Variants in SYNRG observed in about 807,000 individuals in gnomAD.
The protein encoded by SYNRG is synergin gamma.
A neutral mutation model predicts 130.9 loss-of-function variants in SYNRG; 37 were observed. That is an observed-to-expected ratio of 0.28 (90% confidence interval 0.22 to 0.37). The LOEUF is 0.37. Ranked by LOEUF, SYNRG falls within the 10% of genes least tolerant of loss-of-function variation. The pLI, the probability that SYNRG is intolerant of heterozygous loss-of-function variation, is 1.00. For synonymous variants in SYNRG, 539 were observed against 568.1 expected (o/e 0.95, Z 0.73); for missense variants, 1,338 against 1,588.9 (o/e 0.84, Z 2.68).
intron 7 of SYNRG, 55 bp from the exon 8 acceptor site, chr17:37,576,473 T>A: frequency 2.0e-6 from 3 of 1,509,268 alleles, no homozygotes; most frequent in Non-Finnish European, 2.7e-6. Flanking sequence ...GATGGCGAAA[T>A]CACACTGAGT....
rs1384344164 is a variant in SYNRG at position 37,580,510 on chromosome 17, T to TGTGTGTGTGAGA, written c.590-2898_590-2897insTCTCACACACAC. Among the ~76,000 whole-genome samples, 770 of 127,678 alleles carry TGTGTGTGTGAGA rather than the reference T, an allele frequency of 6.0e-3. 7 individuals are homozygous for TGTGTGTGTGAGA. Among genetic ancestry groups the TGTGTGTGTGAGA allele is most frequent in the African/African-American group, 0.026 (712 of 27,426 alleles). 83.8% of individuals were successfully genotyped at this position (127,678 alleles called of 152,430 possible). On this transcript the variant is annotated intron_variant, in intron 6 of 21. Transcript: ENST00000612223. ...GTGTGTGTGTGTGTGTGTGTGTGTG[T>TGTGTGTGTGAGA]GAGAGAGAGAGAGAGAGAGAGAGAG... is the stretch of plus-strand genomic sequence containing the variant.
chr17:37,526,958 C>T (rs2055998911), intron 19 of SYNRG, among the ~76,000 whole-genome samples: 1 of 152,204 alleles, frequency 6.6e-6, no homozygotes, highest in African/African-American at 2.4e-5. Flanking sequence ...TGAGGACAGC[C>T]ATGCAGAGAC....
intron 8 of SYNRG, among the ~76,000 whole-genome samples, chr17:37,573,410 CA>C (rs1232234498): frequency 6.6e-6 from 1 of 151,912 alleles, no homozygotes; most frequent in Non-Finnish European, 1.5e-5. Context: ...CAAAAACAAA[CA>C]AACAAACAAA....
At chr17:37,608,291 T>C (rs1239176480) in intron 1 of SYNRG, among the ~76,000 whole-genome samples, 1 of 152,064 alleles carries the variant, frequency 6.6e-6, no homozygotes, top group Non-Finnish European at 1.5e-5. Context: ...ATTGAAACAC[T>C]GCATATAAAA....
At chr17:37,529,805 T>A in intron 19 of SYNRG, 1 of 1,551,538 alleles carries the variant, frequency 6.4e-7, no homozygotes, top group Non-Finnish European at 8.7e-7. Context: ...GAGCTCATGG[T>A]AAGGAGAGAG....
chr17:37,553,745 C>T lies in SYNRG; in HGVS notation c.1978G>A (p.Ala660Thr). 1 of 1,612,864 alleles carries T rather than the reference C, an allele frequency of 6.2e-7. No homozygotes were observed. The highest frequency in any genetic ancestry group is 2.2e-5 in the East Asian group (1 of 44,888). The change falls in exon 14 of 22, where the codon GCA (alanine) becomes ACA (threonine). Residue 660 changes from alanine (A) to threonine (T), a missense_variant. Physicochemically the swap from Ala to Thr is moderately conservative, Grantham distance 58 (BLOSUM62 0). Around this residue, in one of 3 missense-constraint regions of SYNRG, gnomAD observed 1,146 missense variants for 1,342.3 expected, o/e 0.85. Coordinates refer to ENST00000612223, the MANE Select transcript of SYNRG (RefSeq NM_007247.6). ...GSAATMTALA[A>T]TKTSSLADDF... ...TCAGCCAAACTAGAAGTTTTTGTTG[C>T]TGCCAATGCTGTCATAGTAGCAGCA...
chr17:37,544,270 A>T (rs901402097), intron 14 of SYNRG, among the ~76,000 whole-genome samples: 4 of 152,250 alleles, frequency 2.6e-5, no homozygotes, highest in African/African-American at 7.2e-5. Context: ...AATGTGGTTT[A>T]TAAAACAGAA....
At chr17:37,606,148 C>T in intron 1 of SYNRG, 2 of 334,396 alleles carry the variant, frequency 6.0e-6, no homozygotes, top group Non-Finnish European at 8.5e-6. Context: ...AGTTTTATCT[C>T]ACAAAACTCT....
At chr17:37,561,066 GT>G (rs2059491875) in intron 13 of SYNRG, 128 bp downstream of exon 13, 4 of 758,602 alleles carry the variant, frequency 5.3e-6, no homozygotes, top group Non-Finnish European at 8.9e-6. Flanking sequence ...TGTCCATTCA[GT>G]TTTTTTCTCC....
chr17:37,586,389 TG>T (rs761073879), intron 4 of SYNRG, 29 bp downstream of exon 4: 1 of 1,613,002 alleles, frequency 6.2e-7, no homozygotes, highest in South Asian at 1.1e-5. Flanking sequence ...AATGTATCTT[TG>T]TTATCCTTTA....
chr17:37,575,609 G>C lies in SYNRG; in HGVS notation c.901+732C>G, dbSNP rs1047224147. ...TAATCCCAGCACTTTGGGAGACCAA[G>C]GCAGGCAGATCACTTGAGCCCAGGA... is the stretch of plus-strand genomic sequence containing the variant. On this transcript the variant is annotated intron_variant, in intron 8 of 21. Transcript: ENST00000612223. Among the ~76,000 whole-genome samples the C allele has an allele frequency of 1.3e-4, 20 of 151,880 alleles. No individual in the cohort carries two copies. The South Asian group carries it at 2.5e-3, about 19-fold the overall frequency.
chr17:37,540,629 TC>T, intron 15 of SYNRG, 86 bp from the exon 16 acceptor site: 275 of 1,094,984 alleles, frequency 2.5e-4, no homozygotes, highest in South Asian at 3.1e-4. Flanking sequence ...ACAACCCTCT[TC>T]TTTTTTTTTT....
At chr17:37,520,503 C>G (rs755091512) in intron 20 of SYNRG, 35 bp downstream of exon 20, 3 of 1,584,608 alleles carry the variant, frequency 1.9e-6, no homozygotes, top group Middle Eastern at 3.3e-4. Context: ...GTTAGGGAAG[C>G]CCTTTGCTGT....
intron 18 of SYNRG, 25 bp from the exon 19 acceptor site, chr17:37,536,152 A>T (rs966625718): frequency 1.3e-6 from 2 of 1,594,140 alleles, no homozygotes; most frequent in Admixed American, 1.8e-5. Context: ...GAGCAGAGAG[A>T]GAGTGTTGGC....
intron 11 of SYNRG, among the ~76,000 whole-genome samples, chr17:37,565,801 CG>C (rs2059912772): frequency 6.7e-6 from 1 of 148,882 alleles, no homozygotes; most frequent in Admixed American, 6.7e-5. Context: ...GGAGCCCCTC[CG>C]CCCGGCAGCC....
chr17:37,523,897 C>CA (rs2055478381), intron 19 of SYNRG, among the ~76,000 whole-genome samples: 1 of 152,158 alleles, frequency 6.6e-6, no homozygotes, highest in South Asian at 2.1e-4. Context: ...CTGACAGGAA[C>CA]ACAGTAAAAG....
chr17:37,568,607 G>C, intron 11 of SYNRG, 184 bp downstream of exon 11: 2 of 595,940 alleles, frequency 3.4e-6, no homozygotes, highest in Non-Finnish European at 5.4e-6. Flanking sequence ...AGGAGCTGAA[G>C]TTTAAGATGG....
chr17:37,599,292 A>C (rs1407998936), intron 2 of SYNRG, among the ~76,000 whole-genome samples: 1 of 152,230 alleles, frequency 6.6e-6, no homozygotes, highest in Non-Finnish European at 1.5e-5. Context: ...GTTGTGTCCC[A>C]GTTGCATGGC....
Position 37,542,246 on chromosome 17 carries a change from C to T in SYNRG, c.2928G>A (p.Glu976=), listed in dbSNP as rs772715077. Reference sequence around the variant, plus strand: ...AGTCTCTGTTTTCATATTCCTTTTGCTCACTGGTCTGAGGAATCGTGTCTT... The same window carrying T: ...AGTCTCTGTTTTCATATTCCTTTTGTTCACTGGTCTGAGGAATCGTGTCTT... ...SFKDTIPQTS[E]QKEYENRDYK... The change falls in exon 15 of 22, where the codon GAG becomes GAA. Residue 976 remains glutamate, a synonymous_variant. Transcript: ENST00000612223. The T allele has an allele frequency of 6.2e-7, 1 of 1,614,212 alleles. No homozygotes were observed. Among genetic ancestry groups the T allele is most frequent in the Non-Finnish European group, 8.5e-7 (1 of 1,180,056 alleles).
Sources: allele counts gnomAD v4.1 joint callset (sites outside exome capture counted in the v4.1 genomes callset), GRCh38; gene constraint gnomAD v4.1.1; regional missense constraint gnomAD v4.1.1; transcripts MANE v1.5; gene names NCBI Gene and HGNC (gene_info 2026-07-23, HGNC 2026-07-21).